FHIT: variants seen among roughly 807,000 people sequenced by gnomAD.
FHIT encodes fragile histidine triad diadenosine triphosphatase.
A neutral mutation model predicts 17.9 loss-of-function variants in FHIT; 19 were observed. The observed-to-expected ratio is 1.06, with a 90% confidence interval of 0.74 to 1.56. The LOEUF is 1.56. Ranked by LOEUF, FHIT falls within the 40% of genes most tolerant of loss-of-function variation. The pLI is 0.00. For synonymous variants in FHIT, 81 were observed against 69.7 expected (o/e 1.16, Z -0.81); for missense variants, 248 against 189.2 (o/e 1.31, Z -1.82).
chr3:60,303,012 A>G (rs1254973384), intron 5 of FHIT, among the ~76,000 whole-genome samples: 1 of 152,160 alleles, frequency 6.6e-6, no homozygotes. Context: ...AAAACCTTTA[A>G]TATTTTTGTT....
intron 7 of FHIT, among the ~76,000 whole-genome samples, chr3:60,008,144 G>A (rs1345644703): frequency 6.6e-6 from 1 of 152,088 alleles, no homozygotes; most frequent in Non-Finnish European, 1.5e-5. Context: ...AGAATGCCTC[G>A]AGAGAAATCA....
intron 5 of FHIT, among the ~76,000 whole-genome samples, chr3:60,020,103 A>G (rs1295753905): frequency 1.3e-5 from 2 of 152,196 alleles, no homozygotes. Context: ...CCAACTGCAA[A>G]GGACTGGTGG....
intron 5 of FHIT, among the ~76,000 whole-genome samples, chr3:60,072,690 A>C (rs1485506513): frequency 6.6e-6 from 1 of 152,232 alleles, no homozygotes; most frequent in Non-Finnish European, 1.5e-5. Context: ...ATTTAAACAT[A>C]GGCAGTGTGG....
intron 4 of FHIT, among the ~76,000 whole-genome samples, chr3:60,555,214 C>A (rs2036702433): frequency 6.6e-6 from 1 of 151,662 alleles, no homozygotes; most frequent in South Asian, 2.1e-4. Flanking sequence ...TCCCTGTGTT[C>A]TTCCAGGCCC....
At chr3:60,040,003 G>T (rs933475065) in intron 5 of FHIT, among the ~76,000 whole-genome samples, 3 of 152,144 alleles carry the variant, frequency 2.0e-5, no homozygotes, top group Non-Finnish European at 2.9e-5. Flanking sequence ...ATATGGTATG[G>T]AAATACAATA....
chr3:61,131,496 CTCTTGTATCATTAAACAT>C (rs1287866848), intron 2 of FHIT, among the ~76,000 whole-genome samples: 1 of 152,234 alleles, frequency 6.6e-6, no homozygotes, highest in Non-Finnish European at 1.5e-5. Context: ...ACTTCCACCA[CTCTTGTATCATTAAACAT>C]TCTTCGCAGC....
intron 3 of FHIT, among the ~76,000 whole-genome samples, chr3:60,848,501 C>T (rs911411035): frequency 6.6e-6 from 1 of 152,100 alleles, no homozygotes; most frequent in Non-Finnish European, 1.5e-5. Flanking sequence ...AAGATGGCCA[C>T]CCTTCAACCC....
intron 5 of FHIT, among the ~76,000 whole-genome samples, chr3:60,182,075 G>T (rs778601683): frequency 9.9e-5 from 15 of 152,172 alleles, no homozygotes; most frequent in South Asian, 2.1e-4. Context: ...TTTTCAGAAC[G>T]ATATGAGATA....
At chr3:60,081,110 G>C (rs1167181098) in intron 5 of FHIT, among the ~76,000 whole-genome samples, 1 of 152,058 alleles carries the variant, frequency 6.6e-6, no homozygotes, top group Non-Finnish European at 1.5e-5. Flanking sequence ...AAATCTTAGA[G>C]GAATGCAGTG....
At chr3:59,846,361 A>G (rs552778972) in intron 8 of FHIT, among the ~76,000 whole-genome samples, 5 of 152,154 alleles carry the variant, frequency 3.3e-5, no homozygotes, top group Non-Finnish European at 7.4e-5. Flanking sequence ...TCTATAACAT[A>G]TAAAAACTGT....
chr3:60,190,993 G>T (rs1702380388), intron 5 of FHIT, among the ~76,000 whole-genome samples: 1 of 151,942 alleles, frequency 6.6e-6, no homozygotes, highest in Admixed American at 6.6e-5. Context: ...CTGTGACTGG[G>T]AGGCCCTGGG....
intron 5 of FHIT, among the ~76,000 whole-genome samples, chr3:60,349,720 A>C (rs1710985943): frequency 6.6e-6 from 1 of 152,204 alleles, no homozygotes; most frequent in African/African-American, 2.4e-5. Context: ...TTTCCTTTTA[A>C]ATTTTACACA....
At chr3:61,228,468 T>A (rs1282774970) in intron 1 of FHIT, among the ~76,000 whole-genome samples, 1 of 152,248 alleles carries the variant, frequency 6.6e-6, no homozygotes, top group Non-Finnish European at 1.5e-5. Flanking sequence ...CAATTCCATA[T>A]ATAAGTGTTC....
chr3:61,169,604 T>C (rs1156501105), intron 2 of FHIT, among the ~76,000 whole-genome samples: 2 of 152,220 alleles, frequency 1.3e-5, no homozygotes, highest in South Asian at 2.1e-4. Context: ...TTAAATCATA[T>C]AGAAAAATGA....
Position 60,023,991 on chromosome 3 carries a change from T to TAAAA in FHIT, c.104-9843_104-9840dup, listed in dbSNP as rs34799084. Among the ~76,000 whole-genome samples, 1,431 of 147,786 alleles carry TAAAA rather than the reference T, an allele frequency of 9.7e-3. 15 individuals are homozygous for TAAAA. The highest frequency in any genetic ancestry group is 0.028 in the African/African-American group (1,116 of 40,346). On this transcript the variant is annotated intron_variant, in intron 5 of 9. Coordinates refer to ENST00000492590, the MANE Select transcript of FHIT (RefSeq NM_002012.4). ...CCATTAAGAAAAATATACTTCATGG[T>TAAAA]AAAAAAAAAAAGAATTATGAATTCC...
chr3:60,655,582 G>C (rs2040096464), intron 4 of FHIT, among the ~76,000 whole-genome samples: 1 of 152,090 alleles, frequency 6.6e-6, no homozygotes. Context: ...ATGACATTCG[G>C]GGGTTTGGAG....
intron 3 of FHIT, among the ~76,000 whole-genome samples, chr3:60,999,842 G>A (rs1006512980): frequency 6.6e-6 from 1 of 152,092 alleles, no homozygotes; most frequent in East Asian, 1.9e-4. Context: ...GATAGTTCTG[G>A]AGACTGGGAA....
At chr3:61,066,158 C>A (rs947371543) in intron 2 of FHIT, among the ~76,000 whole-genome samples, 1 of 152,138 alleles carries the variant, frequency 6.6e-6, no homozygotes, top group African/African-American at 2.4e-5. Flanking sequence ...ATAGTGAACC[C>A]ATTAACATAA....
rs1045841908 is a variant in FHIT at position 60,095,436 on chromosome 3, T to C, written c.104-81284A>G. ...CCTCCCGTGTACATTTCAGAGAAAA[T>C]TGGAGAGCTTAAAATGCGACTAAAT... On this transcript the variant is annotated intron_variant, in intron 5 of 9. Coordinates refer to ENST00000492590, the MANE Select transcript of FHIT (RefSeq NM_002012.4). 1.1e-4 allele frequency among the ~76,000 whole-genome samples: 16 copies of C among 152,164 alleles called. 1 individual carries two copies. Among genetic ancestry groups the C allele is most frequent in the Non-Finnish European group, 8.8e-5 (6 of 68,020 alleles).
Sources: gnomAD v4.1 joint callset for allele counts (sites outside exome capture counted in the v4.1 genomes callset) on GRCh38, gnomAD v4.1.1 for gene constraint, MANE v1.5 for transcripts, NCBI Gene and HGNC (gene_info 2026-07-23, HGNC 2026-07-21) for gene names.